The following KLF12 variants were observed in gnomAD, a reference collection of about 807,000 sequenced individuals.
KLF12 encodes Krueppel-like factor 12.
A neutral mutation model predicts 37.8 loss-of-function variants in KLF12; 9 were observed. The ratio of observed to expected loss-of-function variants is 0.24; its 90% CI spans 0.14 to 0.42. The LOEUF (loss-of-function observed/expected upper bound fraction) is 0.42, where lower values mean the gene tolerates loss of function less well. Among genes scored for constraint, KLF12 ranks in the 10% least tolerant of loss-of-function variants. KLF12 has a pLI of 1.00. For synonymous variants in KLF12, 208 were observed against 202.1 expected, an observed-to-expected ratio of 1.03 and a Z score of -0.25; for missense variants, 411 against 516.0, an observed-to-expected ratio of 0.80 and a Z score of 1.97.
At chr13:73,698,821 G>C (rs565490492) in intron 7 of KLF12, among the ~76,000 whole-genome samples, 6 of 152,072 alleles carry the variant, frequency 3.9e-5, no homozygotes, top group Non-Finnish European at 7.4e-5. Context: ...ATTTTTATAA[G>C]AGATGGCCAT....
chr13:74,280,664 T>C, the KLF12 span, among the ~76,000 whole-genome samples: 2 of 152,180 alleles, frequency 1.3e-5, no homozygotes, highest in African/African-American at 4.8e-5. Context: ...TGGTGTACCC[T>C]TGTGGATGGA....
intron 1 of KLF12, among the ~76,000 whole-genome samples, chr13:74,050,681 A>T (rs1459786838): frequency 6.6e-6 from 1 of 152,184 alleles, no homozygotes; most frequent in African/African-American, 2.4e-5. Context: ...CTTCAATATG[A>T]CCCCAAAAGC....
At chr13:73,825,001 G>A (rs535681362) in intron 4 of KLF12, among the ~76,000 whole-genome samples, 5 of 152,126 alleles carry the variant, frequency 3.3e-5, no homozygotes, top group African/African-American at 7.2e-5. Context: ...CCCAGGAGGC[G>A]GAGGTTGCAG....
chr13:74,192,055 T>G, the KLF12 span, among the ~76,000 whole-genome samples: 1 of 152,110 alleles, frequency 6.6e-6, no homozygotes, highest in Non-Finnish European at 1.5e-5. Flanking sequence ...TCAAACTTAT[T>G]GTAACTAGGC....
At chr13:73,722,590 T>A (rs1298428132) in intron 6 of KLF12, among the ~76,000 whole-genome samples, 3 of 152,244 alleles carry the variant, frequency 2.0e-5, no homozygotes, top group African/African-American at 7.2e-5. Flanking sequence ...AGAAAACTAC[T>A]TTTGAACAGA....
intron 5 of KLF12, among the ~76,000 whole-genome samples, chr13:73,778,874 A>C (rs1880790202): frequency 6.6e-6 from 1 of 152,208 alleles, no homozygotes; most frequent in Non-Finnish European, 1.5e-5. Flanking sequence ...AAGAGCAAAG[A>C]AGCAGCTCTT....
At chr13:74,067,646 AC>A (rs1263188121) in intron 1 of KLF12, among the ~76,000 whole-genome samples, 2 of 152,164 alleles carry the variant, frequency 1.3e-5, no homozygotes, top group Non-Finnish European at 2.9e-5. Flanking sequence ...ATGATTGAGC[AC>A]TCACTCTACT....
chr13:73,970,601 A>G (rs370864811), intron 2 of KLF12, among the ~76,000 whole-genome samples: 2 of 152,188 alleles, frequency 1.3e-5, no homozygotes, highest in Admixed American at 6.5e-5. Flanking sequence ...CAGTTCTACC[A>G]TATGCCAACT....
the KLF12 span, among the ~76,000 whole-genome samples, chr13:74,204,655 A>T: frequency 1.3e-5 from 2 of 152,086 alleles, no homozygotes; most frequent in African/African-American, 4.8e-5. Context: ...CTTCTTCTCT[A>T]AATTGTAAGC....
intron 5 of KLF12, among the ~76,000 whole-genome samples, chr13:73,790,527 G>A (rs1048935187): frequency 1.3e-5 from 2 of 152,122 alleles, no homozygotes; most frequent in East Asian, 3.8e-4. Context: ...TGATTTTACA[G>A]CAATGAAAAC....
At chr13:73,872,924 G>T (rs921437969) in intron 3 of KLF12, among the ~76,000 whole-genome samples, 1 of 152,164 alleles carries the variant, frequency 6.6e-6, no homozygotes, top group Non-Finnish European at 1.5e-5. Flanking sequence ...GTGAACCTTT[G>T]TGAGAGCAGA....
the KLF12 span, among the ~76,000 whole-genome samples, chr13:74,265,462 G>A: frequency 4.6e-5 from 7 of 152,316 alleles, no homozygotes; most frequent in South Asian, 2.1e-4. Context: ...GAAAAACAGA[G>A]TCATTACTCT....
intron 4 of KLF12, among the ~76,000 whole-genome samples, chr13:73,835,053 G>T (rs1303064025): frequency 6.7e-6 from 1 of 149,542 alleles, no homozygotes; most frequent in African/African-American, 2.5e-5. Context: ...GGATAAGCGG[G>T]TAGAAGTTAA....
the KLF12 span, among the ~76,000 whole-genome samples, chr13:74,184,802 T>C: frequency 1.3e-5 from 2 of 152,178 alleles, no homozygotes; most frequent in Non-Finnish European, 2.9e-5. Flanking sequence ...CCAAAATATA[T>C]AGAGAAATAT....
At chr13:74,088,604 T>A (rs1016040425) in intron 1 of KLF12, among the ~76,000 whole-genome samples, 1 of 152,162 alleles carries the variant, frequency 6.6e-6, no homozygotes, top group Non-Finnish European at 1.5e-5. Flanking sequence ...TATATGGTCA[T>A]CACATGGTAC....
chr13:73,966,755 C>T (rs890494275), intron 2 of KLF12, among the ~76,000 whole-genome samples: 1 of 152,150 alleles, frequency 6.6e-6, no homozygotes, highest in Admixed American at 6.6e-5. Flanking sequence ...CCCAATGACA[C>T]TGAATTTATA....
chr13:73,828,599 T>C (rs1594139839), intron 4 of KLF12, among the ~76,000 whole-genome samples: 1 of 152,172 alleles, frequency 6.6e-6, no homozygotes, highest in Non-Finnish European at 1.5e-5. Context: ...AATTCTCACG[T>C]GGCTTCCTGA....
intron 6 of KLF12, among the ~76,000 whole-genome samples, chr13:73,738,119 A>ATATACACACACATATATG (rs1877641628): frequency 3.1e-5 from 2 of 64,766 alleles, no homozygotes; most frequent in African/African-American, 1.1e-4. Flanking sequence ...ATATATATAT[A>ATATACACACACATATATG]TATATACACA....
At position 73,983,453 on chromosome 13, in the gene KLF12, G is replaced by A. The variant is rs369142068; in HGVS notation, c.33+11537C>T. On this transcript the variant is annotated intron_variant, in intron 2 of 7. Transcript: ENST00000377669. ...TGAATTAACTACATTCCTGCTTATC[G>A]GGTGTTCTCCAGCACCGTGTCCTCC... is the stretch of plus-strand genomic sequence containing the variant. 1.5e-4 allele frequency among the ~76,000 whole-genome samples: 23 copies of A among 152,188 alleles called. No individual in the cohort carries two copies. The South Asian group carries it at 1.7e-3, about 11-fold the overall frequency.
Sources: allele counts gnomAD v4.1 joint callset (sites outside exome capture counted in the v4.1 genomes callset), GRCh38; gene constraint gnomAD v4.1.1; transcripts MANE v1.5; gene names NCBI Gene and HGNC (gene_info 2026-07-23, HGNC 2026-07-21).